Variants in SPTB observed in about 807,000 individuals in gnomAD.
SPTB encodes the protein spectrin beta chain, erythrocytic.
A neutral mutation model predicts 256.2 loss-of-function variants in SPTB; 45 were observed. That is an observed-to-expected ratio of 0.18 (90% confidence interval 0.14 to 0.23). The LOEUF (loss-of-function observed/expected upper bound fraction) is 0.23, where lower values mean the gene tolerates loss of function less well. SPTB is among the 10% of genes least tolerant of loss of function. The pLI is 1.00. For synonymous variants in SPTB, 1,231 were observed against 1,243.1 expected (o/e 0.99, Z 0.21); for missense variants, 2,715 against 3,040.4 (o/e 0.89, Z 2.52).
Position 64,782,309 on chromosome 14 carries a change from C to T in SPTB, c.4247G>A (p.Arg1416Gln), listed in dbSNP as rs777704033. The change falls in exon 20 of 36, where the codon CGG becomes CAG. Residue 1416 changes from arginine (R) to glutamine (Q), a missense_variant. Around this residue, in one of 4 missense-constraint regions of SPTB, gnomAD observed 2,239 missense variants for 2,384.4 expected, o/e 0.94. Coordinates refer to ENST00000644917, the MANE Select transcript of SPTB (RefSeq NM_001355436.2). Reference sequence around the variant, plus strand: ...ACGTGCCTTCAGCTTAGCCAACATCCGATTGACACTGGTCAGGTCCTTGCC... The same window carrying T: ...ACGTGCCTTCAGCTTAGCCAACATCTGATTGACACTGGTCAGGTCCTTGCC... ...DPGKDLTSVN[R>Q]MLAKLKRVED... The T allele has an allele frequency of 2.4e-5, 38 of 1,614,090 alleles. No homozygotes were observed. The highest frequency in any genetic ancestry group is 3.3e-4 in the Middle Eastern group (2 of 6,084).
intron 30 of SPTB, 78 bp downstream of exon 30, chr14:64,767,585 G>A: frequency 6.4e-7 from 1 of 1,560,454 alleles, no homozygotes; most frequent in Non-Finnish European, 8.8e-7. Flanking sequence ...CCTAACAACT[G>A]GCCTGGAGTC....
chr14:64,774,467 C>T lies in SPTB; in HGVS notation c.4903G>A (p.Asp1635Asn), dbSNP rs780335342. 6.4e-7 allele frequency: 1 copy of T among 1,560,724 alleles called. No individual in the cohort carries two copies. Among genetic ancestry groups the T allele is most frequent in the South Asian group, 1.2e-5 (1 of 84,802 alleles). The change falls in exon 24 of 36, where the codon GAC becomes AAC. Residue 1635 changes from aspartate (D) to asparagine (N), a missense_variant. By Grantham distance (23) the Asp-to-Asn change is conservative. Around this residue, in one of 4 missense-constraint regions of SPTB, gnomAD observed 2,239 missense variants for 2,384.4 expected, o/e 0.94. Coordinates refer to ENST00000644917, the MANE Select transcript of SPTB (RefSeq NM_001355436.2). ...AGCTGCTTGATGTTCCGGCCGTAGT[C>T]CTCCACCGCACGCTGCTGCCGCAAA... ...RHLRQQRAVE[D>N]YGRNIKQLAS... is the part of the protein sequence containing the mutation.
chr14:64,772,307 G>A lies in SPTB; in HGVS notation c.5553+273C>T, dbSNP rs1001760990. Reference sequence around the variant, plus strand: ...ACCTGGTGCTAGAAAAGTGCTGTGCGTGTGTCCACTAATAGTACTGCACAA... The same window carrying A: ...ACCTGGTGCTAGAAAAGTGCTGTGCATGTGTCCACTAATAGTACTGCACAA... On this transcript the variant is annotated intron_variant, in intron 26 of 35. Transcript: ENST00000644917. The surrounding 1 kb of genome is among the most constrained non-coding windows in gnomAD (Gnocchi z 5.4). 2.0e-5 allele frequency among the ~76,000 whole-genome samples: 3 copies of A among 152,242 alleles called. No homozygotes were observed. Among genetic ancestry groups the A allele is most frequent in the Admixed American group, 6.5e-5 (1 of 15,284 alleles).
At chr14:64,805,321 C>G (rs899638022) in intron 2 of SPTB, among the ~76,000 whole-genome samples, 11 of 152,180 alleles carry the variant, frequency 7.2e-5, no homozygotes, top group Non-Finnish European at 1.5e-4. Flanking sequence ...CCACCATATT[C>G]TATGCACAGT....
At chr14:64,797,169 G>C (rs1005746172) in intron 10 of SPTB, among the ~76,000 whole-genome samples, 5 of 152,012 alleles carry the variant, frequency 3.3e-5, no homozygotes, top group African/African-American at 1.2e-4. Flanking sequence ...TACAAAACTG[G>C]CTCCAAAAAA....
chr14:64,798,324 A>C (rs901294212), intron 9 of SPTB, among the ~76,000 whole-genome samples: 10 of 152,120 alleles, frequency 6.6e-5, no homozygotes, highest in Non-Finnish European at 1.3e-4. Context: ...AACAGCTTTC[A>C]CCCAGGTCCT....
chr14:64,837,024 A>G (rs1039101416), intron 1 of SPTB, among the ~76,000 whole-genome samples: 1 of 152,252 alleles, frequency 6.6e-6, no homozygotes, highest in Non-Finnish European at 1.5e-5. Context: ...TGTCTATTGC[A>G]GCTACAGAGA....
chr14:64,828,928 C>T (rs151101), intron 1 of SPTB, among the ~76,000 whole-genome samples: 143,471 of 152,332 alleles, frequency 0.94, 67,709 homozygotes, highest in East Asian at 1. Flanking sequence ...GACATCATCA[C>T]TGAAGTGATA....
chr14:64,767,118 G>T (rs188733932), intron 31 of SPTB, among the ~76,000 whole-genome samples, 185 bp downstream of exon 31: 1 of 152,138 alleles, frequency 6.6e-6, no homozygotes, highest in South Asian at 2.1e-4. Context: ...CCTTCAGCCC[G>T]CCTGTGACTG....
rs541889464 is a variant in SPTB, at chr14:64,784,285, G to A, written c.3964C>T (p.Leu1322=). The A allele has an allele frequency of 1.6e-5, 26 of 1,614,242 alleles. 2 individuals are homozygous for A. In the South Asian group the frequency reaches 2.6e-4, roughly 16 times the overall value. ...TCTAGCCACCCTTCATGGGAAGCCA[G>A]CTCTGCCACAAACGCCTGGTGCTTT... is the stretch of plus-strand genomic sequence containing the variant. ...WLKHQAFVAE[L]ASHEGWLENI... Residue 1322 remains leucine (L), a synonymous_variant, in exon 19 of 36, where the codon CTG becomes TTG. Transcript: ENST00000644917.
At position 64,823,631 on chromosome 14, in the gene SPTB, C is replaced by A. The variant is rs1205470771; in HGVS notation, c.-51-486G>T. 6.6e-6 allele frequency among the ~76,000 whole-genome samples: 1 copy of A among 152,136 alleles called. No homozygotes were observed. The highest frequency in any genetic ancestry group is 1.5e-5 in the Non-Finnish European group (1 of 68,004). On this transcript the variant is annotated intron_variant, in intron 1 of 35. Coordinates refer to ENST00000644917, the MANE Select transcript of SPTB (RefSeq NM_001355436.2). This position sits in a 1 kb window ranked among gnomAD's most constrained non-coding sequence, Gnocchi z 6.5. ...AGGCTGAGTCTGACCCATATGGGAA[C>A]CATGGGGAGAGATGGATGAGAGAGT...
At chr14:64,878,736 C>T (rs1882952822) in intron 1 of SPTB, among the ~76,000 whole-genome samples, 1 of 152,168 alleles carries the variant, frequency 6.6e-6, no homozygotes, top group Non-Finnish European at 1.5e-5. Context: ...TAGTCTCTCC[C>T]CACAGAAATT....
In SPTB at chr14:64,801,324, C is replaced by G; in HGVS notation, c.724G>C (p.Glu242Gln). Residue 242 changes from glutamate to glutamine, a missense_variant, in exon 7 of 36, where the codon GAG becomes CAG. Physicochemically the swap from Glu to Gln is conservative, Grantham distance 29. Around this residue, in one of 4 missense-constraint regions of SPTB, gnomAD observed 416 missense variants for 571.1 expected, o/e 0.73. Transcript: ENST00000644917. The stretch of plus-strand genomic sequence containing the variant: ...AGCGGGATGATGCCCAGCTGGCGCT[C>G]AGCCACATTGAATGCGTGCTCCAGG... ...HNLEHAFNVA[E>Q]RQLGIIPLLD... 1 of 1,614,190 alleles carries G rather than the reference C, an allele frequency of 6.2e-7. No homozygotes were observed. Among genetic ancestry groups the G allele is most frequent in the South Asian group, 1.1e-5 (1 of 91,090 alleles).
intron 32 of SPTB, chr14:64,763,630 TCTCAAATCACGCAGGAAGTTACC>T: frequency 4.2e-6 from 2 of 472,688 alleles, no homozygotes; most frequent in Admixed American, 4.2e-5. Flanking sequence ...GTGGTTTTTA[TCTCAAATCACGCAGGAAGTTACC>T]AACAGAATTA....
At chr14:64,834,157 G>A (rs1022585330) in intron 1 of SPTB, among the ~76,000 whole-genome samples, 6 of 151,854 alleles carry the variant, frequency 4.0e-5, no homozygotes, top group Admixed American at 3.9e-4. Flanking sequence ...CTCCCAAGTA[G>A]CTGGGACTAC....
chr14:64,765,278 C>T (rs1164716310), intron 32 of SPTB, among the ~76,000 whole-genome samples: 1 of 152,088 alleles, frequency 6.6e-6, no homozygotes, highest in African/African-American at 2.4e-5. Context: ...GCTCCCTTGG[C>T]CCCCAGTGCA....
At position 64,791,856 on chromosome 14, in the gene SPTB, C is replaced by T. The variant is rs746102441; in HGVS notation, c.2667G>A (p.Arg889=). 8.7e-6 allele frequency: 14 copies of T among 1,614,078 alleles called. No homozygotes were observed. Among genetic ancestry groups the T allele is most frequent in the South Asian group, 4.4e-5 (4 of 91,086 alleles). ...TCATCTCCTGGTCCAGGATGTCGAA[C>T]CTGATATGGGCAAAGGAAAATATGA... The part of the protein sequence containing the change: ...TLEDLEVVQH[R]FDILDQEMKT... Residue 889 remains arginine, a splice_region_variant and synonymous_variant, in exon 15 of 36, where the codon AGG becomes AGA. Coordinates refer to ENST00000644917, the MANE Select transcript of SPTB (RefSeq NM_001355436.2).
chr14:64,754,522 C>A (rs1218116189), intron 32 of SPTB: 1 of 155,854 alleles, frequency 6.4e-6, no homozygotes, highest in South Asian at 2.0e-4. Context: ...AGTTAACTGG[C>A]CCCGGGGGTC....
At chr14:64,817,571 CTGTCAACTTAACAAAGAAGCTACTGA>C (rs2083214448) in intron 2 of SPTB, among the ~76,000 whole-genome samples, 1 of 152,246 alleles carries the variant, frequency 6.6e-6, no homozygotes, top group Admixed American at 6.5e-5. Context: ...GCACCTGAAT[CTGTCAACTTAACAAAGAAGCTACTGA>C]TGCCCGTCCA....
Sources: gnomAD v4.1 joint callset for allele counts (sites outside exome capture counted in the v4.1 genomes callset) on GRCh38, gnomAD v4.1.1 for gene constraint, gnomAD v4.1.1 regional missense constraint, Gnocchi (gnomAD v3.1) non-coding constraint, MANE v1.5 for transcripts, NCBI Gene and HGNC (gene_info 2026-07-23, HGNC 2026-07-21) for gene names.